PHF21A: variants seen among roughly 807,000 people sequenced by gnomAD.
The protein encoded by PHF21A is PHD finger protein 21A.
In PHF21A, 11 loss-of-function variants were observed where a neutral mutation model predicts 82.5. The ratio of observed to expected loss-of-function variants is 0.13; its 90% CI spans 0.08 to 0.22. PHF21A has a LOEUF of 0.22. Ranked by LOEUF, PHF21A falls within the 10% of genes least tolerant of loss-of-function variation. PHF21A has a pLI of 1.00. For missense variants in PHF21A, 579 were observed against 837.8 expected (o/e 0.69, Z 3.81); for synonymous variants, 297 against 302.8 (o/e 0.98, Z 0.20).
At chr11:46,089,444 T>C (rs2096897393) in intron 3 of PHF21A, among the ~76,000 whole-genome samples, 1 of 152,116 alleles carries the variant, frequency 6.6e-6, no homozygotes, top group Non-Finnish European at 1.5e-5. Context: ...AAAAACATAA[T>C]GTAATGTCTA....
intron 7 of PHF21A, among the ~76,000 whole-genome samples, chr11:45,975,676 T>C (rs1185441509): frequency 1.3e-5 from 2 of 152,198 alleles, no homozygotes; most frequent in Non-Finnish European, 2.9e-5. Flanking sequence ...ATTTAACTGT[T>C]CTATTCTTTC....
chr11:45,951,005 T>C (rs997801250), intron 11 of PHF21A, among the ~76,000 whole-genome samples: 5 of 152,162 alleles, frequency 3.3e-5, no homozygotes, highest in African/African-American at 1.2e-4. Flanking sequence ...TGAAGACCAC[T>C]CTTAGGGCTC....
chr11:46,031,946 A>G lies in PHF21A; in HGVS notation c.153+44808T>C, dbSNP rs543678012. Reference sequence around the variant, plus strand: ...TTGGATTGGGCCACACAGTTACCCAATTTTCCCCAATGCACATCTTTTTGT... The same window carrying G: ...TTGGATTGGGCCACACAGTTACCCAGTTTTCCCCAATGCACATCTTTTTGT... On this transcript the variant is annotated intron_variant, in intron 6 of 18. Transcript: ENST00000676320. Among the ~76,000 whole-genome samples the G allele has an allele frequency of 4.6e-5, 7 of 152,282 alleles. No individual in the cohort carries two copies. In the South Asian group the frequency reaches 6.2e-4, roughly 14 times the overall value.
chr11:46,109,942 C>G (rs2097193034), intron 1 of PHF21A, among the ~76,000 whole-genome samples: 1 of 150,720 alleles, frequency 6.6e-6, no homozygotes, highest in African/African-American at 2.4e-5. Flanking sequence ...GATGGCCCCC[C>G]TGCACTCCAG....
intron 7 of PHF21A, 68 bp from the exon 8 acceptor site, chr11:45,971,435 A>T: frequency 7.4e-7 from 1 of 1,352,454 alleles, no homozygotes; most frequent in Non-Finnish European, 1.0e-6. Context: ...AATCCCACTA[A>T]ACAATATGCT....
intron 6 of PHF21A, among the ~76,000 whole-genome samples, chr11:45,988,457 A>G (rs941874682): frequency 2.0e-5 from 3 of 152,262 alleles, no homozygotes; most frequent in South Asian, 2.1e-4. Flanking sequence ...ACACTTGTAT[A>G]TAACTAAACA....
chr11:46,044,839 G>A (rs1361250024), intron 6 of PHF21A, among the ~76,000 whole-genome samples: 1 of 152,092 alleles, frequency 6.6e-6, no homozygotes, highest in Admixed American at 6.6e-5. Context: ...AAGCAGACAG[G>A]CCAATGAAAC....
At chr11:45,975,626 A>AATT (rs2093988416) in intron 7 of PHF21A, among the ~76,000 whole-genome samples, 1 of 152,198 alleles carries the variant, frequency 6.6e-6, no homozygotes, top group Non-Finnish European at 1.5e-5. Context: ...TGCCATTAAA[A>AATT]ATTAGAGGGC....
intron 10 of PHF21A, among the ~76,000 whole-genome samples, chr11:45,962,099 C>T (rs1487444150): frequency 6.6e-6 from 1 of 152,192 alleles, no homozygotes; most frequent in Non-Finnish European, 1.5e-5. Flanking sequence ...AGCCTCAGTG[C>T]CTGCTCCAAA....
intron 6 of PHF21A, among the ~76,000 whole-genome samples, chr11:46,023,483 G>A (rs1489041088): frequency 6.6e-6 from 1 of 152,214 alleles, no homozygotes; most frequent in African/African-American, 2.4e-5. Flanking sequence ...TCTCTTTCTA[G>A]AAAGGGTTAG....
intron 15 of PHF21A, among the ~76,000 whole-genome samples, chr11:45,943,372 G>T (rs554954795): frequency 2.2e-4 from 33 of 152,112 alleles, no homozygotes; most frequent in African/African-American, 6.7e-4. Flanking sequence ...AGAGACAGGG[G>T]TCTTGCCATG....
intron 6 of PHF21A, among the ~76,000 whole-genome samples, chr11:46,046,152 A>G (rs1240590737): frequency 6.6e-6 from 1 of 152,198 alleles, no homozygotes; most frequent in African/African-American, 2.4e-5. Flanking sequence ...TTTGTTTTCA[A>G]GAGTGTCCCT....
At chr11:46,018,628 A>G (rs1232924039) in intron 6 of PHF21A, among the ~76,000 whole-genome samples, 1 of 152,252 alleles carries the variant, frequency 6.6e-6, no homozygotes, top group Non-Finnish European at 1.5e-5. Flanking sequence ...CATATGGAAG[A>G]GATTCCATAC....
In PHF21A at chr11:46,121,173, TCTCACTCA is replaced by T. The variant is rs1455654429; in HGVS notation, c.-483_-476del. 1 of 55,394 alleles carries T rather than the reference TCTCACTCA, an allele frequency of 1.8e-5. No homozygotes were observed. The highest frequency in any genetic ancestry group is 1.5e-4 in the Admixed American group (1 of 6,526). The allele number at this position is 55,394 out of a possible 1,614,324, so 3.4% of individuals were successfully genotyped here. A position where few individuals can be genotyped will look rare whatever the true frequency, so the allele number is the denominator to read the frequency against. On this transcript the variant is annotated 5_prime_UTR_variant, in exon 1 of 19. Coordinates refer to ENST00000676320, the MANE Select transcript of PHF21A (RefSeq NM_001352027.3). ...TCCTCCTCCTCTCCTCTCCTCTCTC[TCTCACTCA>T]CTCTCTCTCTCTCTCTCTCTCTGGG...
chr11:46,073,026 A>C (rs2096672566), intron 6 of PHF21A, among the ~76,000 whole-genome samples: 1 of 152,114 alleles, frequency 6.6e-6, no homozygotes, highest in Non-Finnish European at 1.5e-5. Context: ...AATCCTGTTA[A>C]ATAAATTAAT....
At chr11:46,022,260 G>T (rs956084878) in intron 6 of PHF21A, among the ~76,000 whole-genome samples, 1 of 152,032 alleles carries the variant, frequency 6.6e-6, no homozygotes, top group African/African-American at 2.4e-5. Flanking sequence ...CAAGACCAGT[G>T]TGGGCAACAT....
chr11:45,979,987 G>T (rs772268825), intron 6 of PHF21A, 21 bp from the exon 7 acceptor site: 1 of 1,613,666 alleles, frequency 6.2e-7, no homozygotes, highest in African/African-American at 1.3e-5. Context: ...AAGACAAAAA[G>T]AAATAAAAGA....
chr11:45,933,897 C>T lies in PHF21A; in HGVS notation c.*71G>A. On this transcript the variant is annotated 3_prime_UTR_variant, in exon 19 of 19. Coordinates refer to ENST00000676320, the MANE Select transcript of PHF21A (RefSeq NM_001352027.3). ...TGCACTTTCCAGAAATCCGGCTTTG[C>T]TTTTCTAGAGTCTTCAGTGTTCTGT... 3 of 1,394,650 alleles carry T rather than the reference C, an allele frequency of 2.2e-6. No individual in the cohort carries two copies. Among genetic ancestry groups the T allele is most frequent in the Non-Finnish European group, 2.9e-6 (3 of 1,046,392 alleles). The allele number at this position is 1,394,650 out of a possible 1,614,324, so 86.4% of individuals were successfully genotyped here. A position where few individuals can be genotyped will look rare whatever the true frequency, so the allele number is the denominator to read the frequency against.
At chr11:46,061,945 G>A (rs2096539641) in intron 6 of PHF21A, among the ~76,000 whole-genome samples, 3 of 152,240 alleles carry the variant, frequency 2.0e-5, no homozygotes, top group South Asian at 4.1e-4. Flanking sequence ...ATCAAGAGAT[G>A]GGTTGGGTAT....
Sources: gnomAD v4.1 joint callset for allele counts (sites outside exome capture counted in the v4.1 genomes callset) on GRCh38, gnomAD v4.1.1 for gene constraint, MANE v1.5 for transcripts, NCBI Gene and HGNC (gene_info 2026-07-23, HGNC 2026-07-21) for gene names.